Variants in LUZP2 observed in about 807,000 individuals in gnomAD.
The protein encoded by LUZP2 is leucine zipper protein 2.
In LUZP2, 52 loss-of-function variants were observed where a neutral mutation model predicts 51.6. That is an observed-to-expected ratio of 1.01 (90% confidence interval 0.81 to 1.27). The LOEUF (loss-of-function observed/expected upper bound fraction) is 1.27. Among genes scored for constraint, LUZP2 ranks in the 50% most tolerant of loss-of-function variants. The probability of loss-of-function intolerance (pLI) is 0.00; values close to 1 mark genes in which losing one functional copy is unlikely to be tolerated. For missense variants in LUZP2, 436 were observed against 395.4 expected (o/e 1.10, Z -0.87); for synonymous variants, 154 against 137.3 (o/e 1.12, Z -0.85).
intron 5 of LUZP2, among the ~76,000 whole-genome samples, chr11:24,827,364 A>C (rs897314872): frequency 6.6e-6 from 1 of 152,216 alleles, no homozygotes. Flanking sequence ...ATATACTACA[A>C]AAAGATCACT....
chr11:25,024,625 C>T (rs1857429896), intron 9 of LUZP2, among the ~76,000 whole-genome samples: 1 of 152,040 alleles, frequency 6.6e-6, no homozygotes, highest in African/African-American at 2.4e-5. Context: ...GAACTACAAA[C>T]CACTGCTCAA....
intron 4 of LUZP2, among the ~76,000 whole-genome samples, chr11:24,753,944 G>A (rs751494284): frequency 5.9e-5 from 9 of 152,072 alleles, no homozygotes; most frequent in African/African-American, 9.7e-5. Context: ...CTGGTTTGGG[G>A]CCCTTTAGTA....
chr11:24,954,450 G>T (rs1322864150), intron 7 of LUZP2, among the ~76,000 whole-genome samples: 1 of 152,042 alleles, frequency 6.6e-6, no homozygotes, highest in African/African-American at 2.4e-5. Flanking sequence ...CACTTGTGTT[G>T]TCTGTCATCT....
intron 10 of LUZP2, among the ~76,000 whole-genome samples, chr11:25,059,449 A>G (rs1192536073): frequency 1.3e-5 from 2 of 152,208 alleles, no homozygotes; most frequent in Non-Finnish European, 2.9e-5. Flanking sequence ...TTCAGTCATC[A>G]TGCCCTTTTG....
intron 1 of LUZP2, among the ~76,000 whole-genome samples, chr11:24,659,444 C>G (rs1423962555): frequency 6.6e-6 from 1 of 151,962 alleles, no homozygotes; most frequent in African/African-American, 2.4e-5. Flanking sequence ...CGGGGAAGGA[C>G]AGCATTAGGA....
intron 1 of LUZP2, among the ~76,000 whole-genome samples, chr11:24,627,075 G>A (rs117737535): frequency 0.016 from 2,384 of 152,238 alleles, 27 homozygotes; most frequent in Non-Finnish European, 0.022. Flanking sequence ...TGATTGAGTA[G>A]AAAGACAATA....
In LUZP2 at chr11:24,775,178, G is replaced by A. The variant is rs182737599; in HGVS notation, c.396+11870G>A. Among the ~76,000 whole-genome samples the A allele has an allele frequency of 3.0e-3, 453 of 152,180 alleles. 6 individuals carry two copies. The highest frequency in any genetic ancestry group is 1.0e-2 in the African/African-American group (414 of 41,540). On this transcript the variant is annotated intron_variant, in intron 5 of 11. Coordinates refer to ENST00000336930, the MANE Select transcript of LUZP2 (RefSeq NM_001009909.4). ...AGGCTTCATCTAAGGGGTAGCTTTT[G>A]AAAAGTATAATATAATTTGAATTTA...
chr11:24,959,414 A>C (rs1445000057), intron 7 of LUZP2, among the ~76,000 whole-genome samples: 1 of 151,968 alleles, frequency 6.6e-6, no homozygotes, highest in African/African-American at 2.4e-5. Flanking sequence ...ATTTGTTTGT[A>C]TCCTCTTTTA....
intron 7 of LUZP2, among the ~76,000 whole-genome samples, chr11:24,924,969 A>G (rs1365180036): frequency 2.0e-5 from 3 of 152,120 alleles, no homozygotes; most frequent in Non-Finnish European, 4.4e-5. Flanking sequence ...TATCAAACTT[A>G]TGGTGCCAAA....
intron 5 of LUZP2, among the ~76,000 whole-genome samples, chr11:24,838,324 TAAC>T (rs1590620690): frequency 6.6e-6 from 1 of 151,692 alleles, no homozygotes; most frequent in African/African-American, 2.4e-5. Context: ...TTTGTATACT[TAAC>T]AACCTTGTGA....
chr11:24,910,708 G>A (rs751948398), intron 6 of LUZP2, among the ~76,000 whole-genome samples: 8 of 152,176 alleles, frequency 5.3e-5, no homozygotes, highest in Non-Finnish European at 8.8e-5. Flanking sequence ...CTGCAGGGGC[G>A]GAAGCCACAT....
intron 5 of LUZP2, among the ~76,000 whole-genome samples, chr11:24,775,977 G>T (rs946161244): frequency 5.9e-5 from 9 of 152,114 alleles, no homozygotes; most frequent in Non-Finnish European, 1.3e-4. Context: ...TGGGTTCTGA[G>T]TTAAAATTAG....
rs146905862 is a variant in LUZP2 at position 25,034,500 on chromosome 11, A to G, written c.766-15538A>G. ...AGCCAAAATTTGTTTTCCAAGGCCA[A>G]TGTCAGAAGAGTATTTTCCAAGTTG... On this transcript the variant is annotated intron_variant, in intron 9 of 11. Transcript: ENST00000336930. 2.2e-4 allele frequency among the ~76,000 whole-genome samples: 34 copies of G among 152,250 alleles called. No homozygotes were observed. The East Asian group carries it at 5.4e-3, about 24-fold the overall frequency.
At chr11:24,692,965 G>GT (rs890087981) in intron 1 of LUZP2, among the ~76,000 whole-genome samples, 46 of 150,886 alleles carry the variant, frequency 3.0e-4, no homozygotes, top group African/African-American at 6.6e-4. Context: ...TGACTGACAA[G>GT]TTTTTTTTTA....
At chr11:25,030,989 T>TA (rs1403871514) in intron 9 of LUZP2, among the ~76,000 whole-genome samples, 1 of 5,890 alleles carries the variant, frequency 1.7e-4, no homozygotes, top group Non-Finnish European at 2.7e-4. Flanking sequence ...TATAATACAA[T>TA]ATATATTATA....
intron 1 of LUZP2, among the ~76,000 whole-genome samples, chr11:24,628,660 G>A (rs1279018470): frequency 6.6e-6 from 1 of 152,168 alleles, no homozygotes; most frequent in South Asian, 2.1e-4. Context: ...CCAGGTTCAG[G>A]CGATTCTCTT....
intron 7 of LUZP2, among the ~76,000 whole-genome samples, chr11:24,945,800 A>T (rs1038443185): frequency 2.0e-4 from 30 of 151,954 alleles, no homozygotes; most frequent in African/African-American, 7.2e-4. Context: ...TACGATTTTT[A>T]AAAAACTTTT....
chr11:25,082,588 A>C lies in LUZP2; in HGVS notation c.*3930A>C, dbSNP rs1859483234. 1 of 152,094 alleles carries C rather than the reference A, an allele frequency of 6.6e-6. No individual in the cohort carries two copies. The highest frequency in any genetic ancestry group is 1.5e-5 in the Non-Finnish European group (1 of 68,022). 9.4% of individuals were successfully genotyped at this position (152,094 alleles called of 1,614,324 possible). A position where few individuals can be genotyped will look rare whatever the true frequency, so the allele number is the denominator to read the frequency against. ...AATAACAGTCGAATGATGAAGAATA[A>C]AAGATGCTGAAAGATGGCCTATTTT... On this transcript the variant is annotated 3_prime_UTR_variant, in exon 12 of 12. Coordinates refer to ENST00000336930, the MANE Select transcript of LUZP2 (RefSeq NM_001009909.4).
chr11:24,777,286 C>A (rs950878073), intron 5 of LUZP2, among the ~76,000 whole-genome samples: 1 of 152,074 alleles, frequency 6.6e-6, no homozygotes, highest in Admixed American at 6.6e-5. Flanking sequence ...AGCCACCGCG[C>A]CCGGCCTGTA....
Sources: gnomAD v4.1 joint callset for allele counts (sites outside exome capture counted in the v4.1 genomes callset) on GRCh38, gnomAD v4.1.1 for gene constraint, MANE v1.5 for transcripts, NCBI Gene and HGNC (gene_info 2026-07-23, HGNC 2026-07-21) for gene names.